The following MAPKAPK2 variants were observed in gnomAD, a reference collection of about 807,000 sequenced individuals.
MAPKAPK2 encodes MAPK activated protein kinase 2, also known as MAP kinase-activated protein kinase 2.
In MAPKAPK2, 9 loss-of-function variants were observed where a neutral mutation model predicts 48.8. The ratio of observed to expected loss-of-function variants is 0.18; its 90% CI spans 0.11 to 0.32. The LOEUF (loss-of-function observed/expected upper bound fraction) is 0.32. MAPKAPK2 is among the 10% of genes least tolerant of loss of function. MAPKAPK2 has a pLI of 1.00. For missense variants in MAPKAPK2, 331 were observed against 498.3 expected, an observed-to-expected ratio of 0.66 and a Z score of 3.20; for synonymous variants, 202 against 190.6, an observed-to-expected ratio of 1.06 and a Z score of -0.49.
At chr1:206,719,747 G>A (rs1187719421) in intron 1 of MAPKAPK2, among the ~76,000 whole-genome samples, 1 of 152,160 alleles carries the variant, frequency 6.6e-6, no homozygotes, top group Non-Finnish European at 1.5e-5. Context: ...TAATTGAGAA[G>A]TGTGACATCT....
chr1:206,726,391 A>T (rs1439818198), intron 1 of MAPKAPK2, among the ~76,000 whole-genome samples: 1 of 152,252 alleles, frequency 6.6e-6, no homozygotes, highest in African/African-American at 2.4e-5. Context: ...TGTCTCAGAA[A>T]CAAACAAACC....
At chr1:206,692,610 A>G (rs1229379550) in intron 1 of MAPKAPK2, among the ~76,000 whole-genome samples, 3 of 152,122 alleles carry the variant, frequency 2.0e-5, no homozygotes, top group Non-Finnish European at 2.9e-5. Flanking sequence ...TGGGGTCTTT[A>G]TTGTCTGATC....
At chr1:206,688,137 C>T (rs1168826750) in intron 1 of MAPKAPK2, among the ~76,000 whole-genome samples, 6 of 152,214 alleles carry the variant, frequency 3.9e-5, no homozygotes, top group African/African-American at 1.4e-4. Flanking sequence ...CACCATCTCT[C>T]CTGGCTGCTT....
chr1:206,700,211 G>A (rs1553427708), intron 1 of MAPKAPK2, among the ~76,000 whole-genome samples: 1 of 152,016 alleles, frequency 6.6e-6, no homozygotes, highest in African/African-American at 2.4e-5. Context: ...CAGCAGGCCA[G>A]CTATGTCTCC....
At chr1:206,720,633 A>G (rs1673484391) in intron 1 of MAPKAPK2, among the ~76,000 whole-genome samples, 1 of 152,222 alleles carries the variant, frequency 6.6e-6, no homozygotes. Context: ...TGCTGGGGTT[A>G]TAGATGTGAG....
chr1:206,720,437 C>T (rs535363410), intron 1 of MAPKAPK2, among the ~76,000 whole-genome samples: 84 of 152,270 alleles, frequency 5.5e-4, no homozygotes, highest in African/African-American at 1.9e-3. Context: ...CTACAACCTC[C>T]GCTTCCTGGG....
At chr1:206,707,051 G>A (rs1345098020) in intron 1 of MAPKAPK2, among the ~76,000 whole-genome samples, 3 of 152,276 alleles carry the variant, frequency 2.0e-5, no homozygotes, top group South Asian at 4.1e-4. Context: ...CGGCACTGCA[G>A]CCGCGCTCTT....
chr1:206,696,826 G>T (rs1477682601), intron 1 of MAPKAPK2, among the ~76,000 whole-genome samples: 1 of 152,230 alleles, frequency 6.6e-6, no homozygotes, highest in Non-Finnish European at 1.5e-5. Context: ...ATGTACTAGA[G>T]GTAATCCTCA....
In MAPKAPK2 at chr1:206,685,559, G is replaced by T. The variant is rs1299550943; in HGVS notation, c.279+51G>T. 8 of 1,380,540 alleles carry T rather than the reference G, an allele frequency of 5.8e-6. No individual in the cohort carries two copies. In the African/African-American group the frequency reaches 1.2e-4, roughly 21 times the overall value. The allele number at this position is 1,380,540 out of a possible 1,614,324, so 85.5% of individuals were successfully genotyped here. ...GGCGGGGCCGGTCCCGGGCCCTGGA[G>T]CTCCACGGCGTCGGGTGCCCGTCCC... On this transcript the variant is annotated intron_variant, in intron 1 of 9. Transcript: ENST00000367103.
intron 1 of MAPKAPK2, among the ~76,000 whole-genome samples, chr1:206,706,362 CTT>C (rs1473538686): frequency 6.6e-6 from 1 of 152,046 alleles, no homozygotes; most frequent in African/African-American, 2.4e-5. Flanking sequence ...ATCATTGCCT[CTT>C]TGTTAGTGGA....
At chr1:206,716,167 A>G (rs1673323990) in intron 1 of MAPKAPK2, among the ~76,000 whole-genome samples, 1 of 151,686 alleles carries the variant, frequency 6.6e-6, no homozygotes, top group Non-Finnish European at 1.5e-5. Context: ...TCAGGGTAAT[A>G]GTTCCCTTCC....
intron 1 of MAPKAPK2, among the ~76,000 whole-genome samples, chr1:206,718,099 A>G (rs1673391099): frequency 2.0e-5 from 3 of 152,236 alleles, no homozygotes; most frequent in Non-Finnish European, 2.9e-5. Context: ...TTTAAAAAAT[A>G]TGCAAAAGAA....
chr1:206,699,606 A>G (rs1414248344), intron 1 of MAPKAPK2, among the ~76,000 whole-genome samples: 2 of 152,240 alleles, frequency 1.3e-5, no homozygotes, highest in Non-Finnish European at 2.9e-5. Flanking sequence ...GAGGCAAGAA[A>G]AAGAAATGGC....
chr1:206,732,194 C>T lies in MAPKAPK2; in HGVS notation c.1059+275C>T. ...CTTAAAGACCATCTGGTATCATCTTCTCATTTTGCAGAAGAGAAACTGAGG... is the reference window on the plus strand; with the variant it reads ...CTTAAAGACCATCTGGTATCATCTTTTCATTTTGCAGAAGAGAAACTGAGG... On this transcript the variant is annotated intron_variant, in intron 9 of 9. Transcript: ENST00000367103. The surrounding 1 kb of genome is among the most constrained non-coding windows in gnomAD (Gnocchi z 4.4). 3 of 1,586,992 alleles carry T rather than the reference C, an allele frequency of 1.9e-6. No homozygotes were observed. The highest frequency in any genetic ancestry group is 4.5e-5 in the East Asian group (2 of 44,312).
Position 206,728,759 on chromosome 1 carries a change from G to A in MAPKAPK2, c.329G>A (p.Arg110Gln), listed in dbSNP as rs782527754. The change falls in exon 2 of 10, where the codon CGG becomes CAG. Residue 110 changes from arginine to glutamine, a missense_variant. By Grantham distance (43) the Arg-to-Gln change is conservative. This residue lies in a region of MAPKAPK2 where 111 missense variants were observed against 193.6 expected (regional missense o/e 0.57). Coordinates refer to ENST00000367103, the MANE Select transcript of MAPKAPK2 (RefSeq NM_032960.4). ...CGCAGGGAGGTGGAGCTGCACTGGC[G>A]GGCCTCCCAGTGCCCGCACATCGTA... ...KARREVELHW[R>Q]ASQCPHIVRI... 4.3e-6 allele frequency: 7 copies of A among 1,613,814 alleles called. No homozygotes were observed. Among genetic ancestry groups the A allele is most frequent in the East Asian group, 2.2e-5 (1 of 44,900 alleles).
At chr1:206,718,947 A>G (rs942886486) in intron 1 of MAPKAPK2, among the ~76,000 whole-genome samples, 1 of 152,212 alleles carries the variant, frequency 6.6e-6, no homozygotes, top group Non-Finnish European at 1.5e-5. Context: ...AGATCTTTGC[A>G]TAAACCTGGG....
chr1:206,725,210 G>A (rs1365164456), intron 1 of MAPKAPK2, among the ~76,000 whole-genome samples: 2 of 152,214 alleles, frequency 1.3e-5, no homozygotes, highest in African/African-American at 4.8e-5. Context: ...ACGTGTTCAG[G>A]GCAGAAAGTG....
chr1:206,725,737 C>T (rs1673683342), intron 1 of MAPKAPK2, among the ~76,000 whole-genome samples: 1 of 152,186 alleles, frequency 6.6e-6, no homozygotes, highest in African/African-American at 2.4e-5. Flanking sequence ...CTCCTCTGGG[C>T]TCCAGTTCCT....
chr1:206,699,481 G>A (rs1175293968), intron 1 of MAPKAPK2, among the ~76,000 whole-genome samples: 2 of 152,220 alleles, frequency 1.3e-5, no homozygotes, highest in South Asian at 4.1e-4. Context: ...CTGGGGCTCC[G>A]TATTTTGTCT....
Sources: gnomAD v4.1 joint callset for allele counts (sites outside exome capture counted in the v4.1 genomes callset) on GRCh38, gnomAD v4.1.1 for gene constraint, gnomAD v4.1.1 regional missense constraint, Gnocchi (gnomAD v3.1) non-coding constraint, MANE v1.5 for transcripts, NCBI Gene and HGNC (gene_info 2026-07-23, HGNC 2026-07-21) for gene names.